The following MED13L variants were observed in gnomAD, a reference collection of about 807,000 sequenced individuals.
MED13L encodes mediator complex subunit 13L, also known as mediator of RNA polymerase II transcription subunit 13-like.
A neutral mutation model predicts 220.9 loss-of-function variants in MED13L; 7 were observed. That is an observed-to-expected ratio of 0.03 (90% CI 0.02 to 0.06). MED13L has a LOEUF of 0.06. Ranked by LOEUF, MED13L falls within the 10% of genes least tolerant of loss-of-function variation. The pLI is 1.00. For synonymous variants in MED13L, 1,011 were observed against 1,015.2 expected (o/e 1.00, Z 0.08); for missense variants, 1,965 against 2,760.5 (o/e 0.71, Z 6.46).
intron 2 of MED13L, among the ~76,000 whole-genome samples, chr12:116,219,234 C>A (rs1883175327): frequency 6.6e-6 from 1 of 151,986 alleles, no homozygotes; most frequent in Non-Finnish European, 1.5e-5. Flanking sequence ...AACATCTAAT[C>A]AAGGAAAGTG....
intron 4 of MED13L, among the ~76,000 whole-genome samples, chr12:116,084,456 A>T (rs1871474265): frequency 6.6e-6 from 1 of 152,312 alleles, no homozygotes; most frequent in East Asian, 1.9e-4. Flanking sequence ...TTGTTAAGAG[A>T]GATCATAATG....
intron 2 of MED13L, among the ~76,000 whole-genome samples, chr12:116,139,383 T>G (rs912664265): frequency 2.0e-5 from 3 of 152,160 alleles, no homozygotes; most frequent in African/African-American, 7.2e-5. Context: ...TCTTCTTTTT[T>G]CAAAGAAGGG....
intron 2 of MED13L, among the ~76,000 whole-genome samples, chr12:116,151,464 G>A (rs1026318396): frequency 3.3e-5 from 5 of 152,066 alleles, no homozygotes; most frequent in African/African-American, 1.2e-4. Context: ...AACAATAAAC[G>A]CATACAATAA....
chr12:116,035,877 A>C (rs1881164646), intron 4 of MED13L, among the ~76,000 whole-genome samples: 1 of 152,086 alleles, frequency 6.6e-6, no homozygotes, highest in African/African-American at 2.4e-5. Context: ...ATACCCAGCC[A>C]AAAACTATGT....
chr12:116,253,282 A>G (rs1256335663), intron 1 of MED13L, among the ~76,000 whole-genome samples: 8 of 151,964 alleles, frequency 5.3e-5, no homozygotes, highest in Non-Finnish European at 1.0e-4. Flanking sequence ...CAAAAAAAAA[A>G]AAAAAAAAAA....
At position 115,996,738 on chromosome 12, in the gene MED13L, C is replaced by T; in HGVS notation, c.2791-57G>A. On this transcript the variant is annotated intron_variant, in intron 15 of 30. Coordinates refer to ENST00000281928, the MANE Select transcript of MED13L (RefSeq NM_015335.5). ...TTGGTAAACTCTGTAGAACACACCA[C>T]AGTGGCATAGTGCTATCATAAAAAC... is the stretch of plus-strand genomic sequence containing the variant. 2.1e-6 allele frequency: 3 copies of T among 1,450,996 alleles called. No homozygotes were observed. In the South Asian group the frequency reaches 3.5e-5, roughly 17 times the overall value. 89.9% of individuals were successfully genotyped at this position (1,450,996 alleles called of 1,614,324 possible). A position where few individuals can be genotyped will look rare whatever the true frequency, so the allele number is the denominator to read the frequency against.
At chr12:116,274,563 T>C (rs1385379384) in intron 1 of MED13L, among the ~76,000 whole-genome samples, 3 of 151,898 alleles carry the variant, frequency 2.0e-5, no homozygotes, top group African/African-American at 7.2e-5. Context: ...CAATGTACTT[T>C]GGGCAACATA....
intron 2 of MED13L, among the ~76,000 whole-genome samples, chr12:116,193,671 AG>A (rs1881431556): frequency 1.3e-5 from 2 of 152,126 alleles, no homozygotes. Context: ...TTAAAAAAAA[AG>A]GTAAGAATTT....
intron 2 of MED13L, among the ~76,000 whole-genome samples, chr12:116,211,546 T>G (rs1882701883): frequency 6.6e-6 from 1 of 152,172 alleles, no homozygotes; most frequent in African/African-American, 2.4e-5. Flanking sequence ...AGTATCGGCC[T>G]ACAAGGCTCC....
intron 2 of MED13L, among the ~76,000 whole-genome samples, chr12:116,211,248 T>C (rs569381327): frequency 1.3e-5 from 2 of 152,268 alleles, no homozygotes; most frequent in South Asian, 4.1e-4. Flanking sequence ...CCTCTAGCCA[T>C]ATGTAGCTAC....
intron 1 of MED13L, among the ~76,000 whole-genome samples, chr12:116,267,550 G>A (rs185362575): frequency 2.6e-5 from 4 of 152,122 alleles, no homozygotes; most frequent in African/African-American, 7.2e-5. Flanking sequence ...GATTTTTCAC[G>A]CCTCCTGCCC....
At chr12:116,166,233 A>C (rs771560437) in intron 2 of MED13L, among the ~76,000 whole-genome samples, 2 of 151,986 alleles carry the variant, frequency 1.3e-5, no homozygotes, top group Non-Finnish European at 2.9e-5. Flanking sequence ...GATTGGATAG[A>C]GGGACACAAA....
At chr12:116,236,729 T>A in intron 2 of MED13L, 1 of 604,958 alleles carries the variant, frequency 1.7e-6, no homozygotes, top group South Asian at 7.4e-5. Flanking sequence ...AGGTAAAAAT[T>A]TTTACCAGAA....
chr12:116,056,513 G>A (rs1868987216), intron 4 of MED13L, among the ~76,000 whole-genome samples: 1 of 152,108 alleles, frequency 6.6e-6, no homozygotes, highest in African/African-American at 2.4e-5. Context: ...TTACAGGCAT[G>A]AGCCACTGTG....
chr12:116,121,982 G>C (rs1451435744), intron 2 of MED13L, among the ~76,000 whole-genome samples: 2 of 152,108 alleles, frequency 1.3e-5, no homozygotes, highest in Non-Finnish European at 2.9e-5. Flanking sequence ...TTGTTTCCCA[G>C]TTAGATTTCA....
intron 2 of MED13L, among the ~76,000 whole-genome samples, chr12:116,173,040 A>T (rs1182938939): frequency 2.0e-5 from 3 of 151,904 alleles, no homozygotes; most frequent in African/African-American, 7.3e-5. Flanking sequence ...CTGTGAAATA[A>T]CAGATCAGAA....
intron 3 of MED13L, among the ~76,000 whole-genome samples, chr12:116,100,668 T>A (rs1330968021): frequency 6.6e-6 from 1 of 150,908 alleles, no homozygotes; most frequent in East Asian, 1.9e-4. Context: ...CCCAGCACTC[T>A]GGGGAGCCAA....
chr12:116,049,079 A>G (rs781685437), intron 4 of MED13L, among the ~76,000 whole-genome samples: 1 of 152,196 alleles, frequency 6.6e-6, no homozygotes, highest in Non-Finnish European at 1.5e-5. Flanking sequence ...TTTCTACTAG[A>G]CATATGCTGA....
At chr12:116,061,239 G>T (rs1171356908) in intron 4 of MED13L, among the ~76,000 whole-genome samples, 3 of 151,596 alleles carry the variant, frequency 2.0e-5, no homozygotes, top group Non-Finnish European at 4.4e-5. Flanking sequence ...AACATTAACT[G>T]TTTTTTTTAA....
Sources: gnomAD v4.1 joint callset for allele counts (sites outside exome capture counted in the v4.1 genomes callset) on GRCh38, gnomAD v4.1.1 for gene constraint, MANE v1.5 for transcripts, NCBI Gene and HGNC (gene_info 2026-07-23, HGNC 2026-07-21) for gene names.